The following EBF1 variants were observed in gnomAD, a reference collection of about 807,000 sequenced individuals.
The protein encoded by EBF1 is transcription factor COE1.
In EBF1, 10 loss-of-function variants were observed where a neutral mutation model predicts 68.4. That is an observed-to-expected ratio of 0.15 (90% confidence interval 0.09 to 0.25). The LOEUF (loss-of-function observed/expected upper bound fraction) is 0.25, where lower values mean the gene tolerates loss of function less well. EBF1 is among the 10% of genes least tolerant of loss of function. The probability of loss-of-function intolerance (pLI) is 1.00; values close to 1 mark genes in which losing one functional copy is unlikely to be tolerated. For synonymous variants in EBF1, 298 were observed against 299.8 expected (o/e 0.99, Z 0.06); for missense variants, 509 against 794.4 (o/e 0.64, Z 4.32).
chr5:158,826,994 C>T (rs1236695101), intron 7 of EBF1, among the ~76,000 whole-genome samples: 1 of 152,180 alleles, frequency 6.6e-6, no homozygotes, highest in African/African-American at 2.4e-5. Context: ...GCCAGGTTAA[C>T]TTCTCTGAGT....
chr5:158,738,895 C>A (rs1418159837), intron 10 of EBF1, among the ~76,000 whole-genome samples: 1 of 152,188 alleles, frequency 6.6e-6, no homozygotes, highest in African/African-American at 2.4e-5. Flanking sequence ...CCAGCACTAA[C>A]AGGAATCTCT....
intron 9 of EBF1, among the ~76,000 whole-genome samples, chr5:158,777,988 C>T (rs994533597): frequency 2.6e-5 from 4 of 152,052 alleles, no homozygotes; most frequent in African/African-American, 4.8e-5. Context: ...GCGGAGTGCA[C>T]GTATGAAGTA....
chr5:158,816,252 A>G (rs1413260291), intron 8 of EBF1, among the ~76,000 whole-genome samples: 1 of 152,254 alleles, frequency 6.6e-6, no homozygotes, highest in Non-Finnish European at 1.5e-5. Flanking sequence ...CATTCTTCTC[A>G]GCATCCTGGG....
intron 9 of EBF1, among the ~76,000 whole-genome samples, chr5:158,783,030 A>G (rs961208219): frequency 2.6e-5 from 4 of 152,178 alleles, no homozygotes; most frequent in African/African-American, 9.6e-5. Flanking sequence ...GAAATGAAAA[A>G]AAAAAGGTTT....
rs1428468895 is a variant in EBF1, at chr5:159,099,385, G to T, written c.94C>A (p.Gln32Lys). The change falls in exon 1 of 16, where the codon CAG becomes AAG. Residue 32 changes from glutamine to lysine, a missense_variant. By Grantham distance (53) the Gln-to-Lys change is moderately conservative. Around this residue, in one of 3 missense-constraint regions of EBF1, gnomAD observed 74 missense variants for 79.4 expected, o/e 0.93. Transcript: ENST00000313708. ...SGMNAVRTWM[Q>K]GAGVLDANTA... ...TTGGCGTCCAGCACCCCGGCGCCCT[G>T]CATCCACGTCCGCACCGCGTTCATG... 6.3e-7 allele frequency: 1 copy of T among 1,598,474 alleles called. No homozygotes were observed. The highest frequency in any genetic ancestry group is 1.4e-5 in the African/African-American group (1 of 73,036).
chr5:158,938,029 T>C (rs1812452847), intron 6 of EBF1, among the ~76,000 whole-genome samples: 1 of 152,270 alleles, frequency 6.6e-6, no homozygotes, highest in Non-Finnish European at 1.5e-5. Context: ...TAAGGCAAAA[T>C]GTACCTTTCT....
chr5:158,874,042 G>A (rs1480247766), intron 6 of EBF1, among the ~76,000 whole-genome samples: 1 of 152,200 alleles, frequency 6.6e-6, no homozygotes, highest in Non-Finnish European at 1.5e-5. Flanking sequence ...AGGATTGTTT[G>A]TTAGTGATTT....
chr5:158,738,807 T>C (rs947538651), intron 10 of EBF1, among the ~76,000 whole-genome samples: 7 of 152,238 alleles, frequency 4.6e-5, no homozygotes, highest in Admixed American at 4.6e-4. Context: ...TTGCCACACA[T>C]TAACAAGTCC....
intron 6 of EBF1, among the ~76,000 whole-genome samples, chr5:158,935,752 T>C (rs1811877337): frequency 6.6e-6 from 1 of 152,206 alleles, no homozygotes; most frequent in South Asian, 2.1e-4. Context: ...GTGCAAAATG[T>C]ATCTGAAGTA....
chr5:158,752,511 C>T (rs1421799542), intron 10 of EBF1, among the ~76,000 whole-genome samples: 3 of 151,910 alleles, frequency 2.0e-5, no homozygotes, highest in African/African-American at 7.3e-5. Context: ...CCCAGTAGAG[C>T]GTGACAAGAG....
chr5:158,961,702 TTTTAA>T, intron 6 of EBF1, among the ~76,000 whole-genome samples: 2 of 152,350 alleles, frequency 1.3e-5, no homozygotes, highest in Middle Eastern at 6.8e-3. Flanking sequence ...TAAGTTACTC[TTTTAA>T]TTTATTTTCT....
In EBF1 at chr5:158,861,382, A is replaced by G. The variant is rs141283415; in HGVS notation, c.555-21272T>C. On this transcript the variant is annotated intron_variant, in intron 6 of 15. Coordinates refer to ENST00000313708, the MANE Select transcript of EBF1 (RefSeq NM_024007.5). Reference sequence around the variant, plus strand: ...TGCTGATCAGCAATGGAGCCCTGCCATGAGAACACATCTCCTTTTCACTCA... The same window carrying G: ...TGCTGATCAGCAATGGAGCCCTGCCGTGAGAACACATCTCCTTTTCACTCA... Among the ~76,000 whole-genome samples, 199 of 152,350 alleles carry G rather than the reference A, an allele frequency of 1.3e-3. 1 individual carries two copies. Among genetic ancestry groups the G allele is most frequent in the African/African-American group, 4.3e-3 (179 of 41,584 alleles).
chr5:158,758,642 C>T (rs1444895192), intron 10 of EBF1, among the ~76,000 whole-genome samples: 2 of 152,050 alleles, frequency 1.3e-5, no homozygotes, highest in Non-Finnish European at 1.5e-5. Flanking sequence ...CAATTAATTG[C>T]TTTCATGTTG....
At chr5:158,944,178 C>T (rs886706489) in intron 6 of EBF1, among the ~76,000 whole-genome samples, 9 of 152,220 alleles carry the variant, frequency 5.9e-5, no homozygotes, top group African/African-American at 2.2e-4. Context: ...CCCATCAACC[C>T]GTCATCTACA....
At chr5:158,803,354 GTTTT>G (rs34836103) in intron 8 of EBF1, among the ~76,000 whole-genome samples, 9 of 134,010 alleles carry the variant, frequency 6.7e-5, no homozygotes, top group Middle Eastern at 3.6e-3. Flanking sequence ...TTTTGCTGGT[GTTTT>G]TTTTTTTTTT....
In EBF1 at chr5:158,696,582, C is replaced by T. The variant is rs1407455278; in HGVS notation, c.*2529G>A. ...GCGCTTACCACGCAAATTCAGATAA[C>T]CTTTCTGAGTACCGAGAAGCAATGC... On this transcript the variant is annotated 3_prime_UTR_variant, in exon 16 of 16. Transcript: ENST00000313708. The T allele has an allele frequency of 4.5e-6, 1 of 222,464 alleles. No individual in the cohort carries two copies. Among genetic ancestry groups the T allele is most frequent in the East Asian group, 6.4e-5 (1 of 15,586 alleles). The allele number at this position is 222,464 out of a possible 1,614,324, so 13.8% of individuals were successfully genotyped here.
At chr5:158,809,036 C>A (rs537077270) in intron 8 of EBF1, among the ~76,000 whole-genome samples, 1 of 152,080 alleles carries the variant, frequency 6.6e-6, no homozygotes, top group East Asian at 1.9e-4. Context: ...TTGATATATG[C>A]ATGTGTTTAT....
chr5:158,911,732 C>G (rs1806020276), intron 6 of EBF1, among the ~76,000 whole-genome samples: 1 of 152,218 alleles, frequency 6.6e-6, no homozygotes, highest in Non-Finnish European at 1.5e-5. Flanking sequence ...ACCCACCACT[C>G]CTGTTATGAT....
intron 10 of EBF1, among the ~76,000 whole-genome samples, chr5:158,753,920 T>TC (rs1438135025): frequency 4.0e-5 from 6 of 151,780 alleles, no homozygotes; most frequent in African/African-American, 1.4e-4. Flanking sequence ...TTAACATGAG[T>TC]CCCTGGTAAA....
Sources: gnomAD v4.1 joint callset for allele counts (sites outside exome capture counted in the v4.1 genomes callset) on GRCh38, gnomAD v4.1.1 for gene constraint, gnomAD v4.1.1 regional missense constraint, MANE v1.5 for transcripts, NCBI Gene and HGNC (gene_info 2026-07-23, HGNC 2026-07-21) for gene names.